The following HIPK1 variants were observed in gnomAD, a reference collection of about 807,000 sequenced individuals.
HIPK1 encodes the protein homeodomain interacting protein kinase 1.
HIPK1 carries 28 observed loss-of-function variants against 117.1 expected under a neutral mutation model. The ratio of observed to expected loss-of-function variants is 0.24; its 90% CI spans 0.18 to 0.33. HIPK1 has a LOEUF of 0.33. Ranked by LOEUF, HIPK1 falls within the 10% of genes least tolerant of loss-of-function variation. The probability of loss-of-function intolerance (pLI) is 1.00; values close to 1 mark genes in which losing one functional copy is unlikely to be tolerated. For synonymous variants in HIPK1, 605 were observed against 562.5 expected (o/e 1.08, Z -1.07); for missense variants, 1,122 against 1,475.1 (o/e 0.76, Z 3.92).
chr1:113,932,596 C>T (rs544897849), intron 1 of HIPK1, among the ~76,000 whole-genome samples: 3 of 152,088 alleles, frequency 2.0e-5, no homozygotes, highest in Non-Finnish European at 4.4e-5. Context: ...CCAGGCTGGT[C>T]TCAGACTCCT....
At chr1:113,961,559 C>T (rs928745642) in intron 8 of HIPK1, among the ~76,000 whole-genome samples, 6 of 152,144 alleles carry the variant, frequency 3.9e-5, no homozygotes, top group African/African-American at 1.4e-4. Context: ...TTTTCGTAAT[C>T]TTTCTTATCT....
At chr1:113,953,027 T>C (rs1571690974) in intron 3 of HIPK1, 138 bp downstream of exon 3, 2 of 717,334 alleles carry the variant, frequency 2.8e-6, no homozygotes, top group East Asian at 6.9e-5. Flanking sequence ...TAAAGAACTT[T>C]TTAAAGAATA....
At chr1:113,968,778 T>C (rs1558148533) in intron 13 of HIPK1, 130 bp downstream of exon 13, 1 of 723,314 alleles carries the variant, frequency 1.4e-6, no homozygotes, top group Non-Finnish European at 2.4e-6. Context: ...CCCAGCACTT[T>C]GGGAGGTTGA....
At chr1:113,934,096 C>T (rs1047343090) in intron 1 of HIPK1, among the ~76,000 whole-genome samples, 1 of 152,130 alleles carries the variant, frequency 6.6e-6, no homozygotes, top group Admixed American at 6.6e-5. Context: ...TACCTGTGTT[C>T]ATGTCATCTG....
intron 1 of HIPK1, among the ~76,000 whole-genome samples, chr1:113,931,079 A>C (rs1669861919): frequency 6.6e-6 from 1 of 152,010 alleles, no homozygotes; most frequent in Admixed American, 6.5e-5. Flanking sequence ...TCTTGATGAA[A>C]TAGGGTTAAA....
intron 1 of HIPK1, among the ~76,000 whole-genome samples, chr1:113,934,122 G>A (rs1335590665): frequency 6.6e-6 from 1 of 152,190 alleles, no homozygotes; most frequent in Non-Finnish European, 1.5e-5. Flanking sequence ...AAGTGCTGGA[G>A]CAAGAAATCA....
chr1:113,963,730 A>G (rs547634025), intron 10 of HIPK1, among the ~76,000 whole-genome samples: 47 of 152,254 alleles, frequency 3.1e-4, no homozygotes, highest in South Asian at 1.0e-3. Flanking sequence ...TTTCCTCCCC[A>G]ACATTTGCTG....
In HIPK1 at chr1:113,946,697, A is replaced by G. The variant is rs549932060; in HGVS notation, c.1076+5238A>G. Among the ~76,000 whole-genome samples, 5 of 152,354 alleles carry G rather than the reference A, an allele frequency of 3.3e-5. No homozygotes were observed. In the South Asian group the frequency reaches 6.2e-4, roughly 19 times the overall value. On this transcript the variant is annotated intron_variant, in intron 2 of 15. Coordinates refer to ENST00000426820, the MANE Select transcript of HIPK1 (RefSeq NM_198268.3). The stretch of plus-strand genomic sequence containing the variant: ...CAAAGCTTTCTTTAAATTCACTGCA[A>G]TATAGTTGTTGACTATAATTTTAAG...
chr1:113,948,453 C>G (rs950113339), intron 2 of HIPK1, among the ~76,000 whole-genome samples: 6 of 151,820 alleles, frequency 4.0e-5, no homozygotes, highest in Non-Finnish European at 7.4e-5. Flanking sequence ...TTGGGTCTTG[C>G]TGTGTTGCCT....
In HIPK1 at chr1:113,940,642, A is replaced by G. The variant is rs776477094; in HGVS notation, c.259A>G (p.Thr87Ala). The G allele has an allele frequency of 1.2e-6, 2 of 1,613,600 alleles. No homozygotes were observed. The highest frequency in any genetic ancestry group is 8.5e-7 in the Non-Finnish European group (1 of 1,179,940). ...PAPAVEHIVV[T>A]AADSSGSAAT... ...TCCTGCAGTGGAGCATATTGTTGTA[A>G]CAGCCGCTGATAGCTCGGGCAGTGC... Residue 87 changes from threonine to alanine, a missense_variant, in exon 2 of 16, where the codon ACA (threonine) becomes GCA (alanine). Physicochemically the swap from Thr to Ala is moderately conservative, Grantham distance 58. This residue lies in a region of HIPK1 where 192 missense variants were observed against 234.0 expected (regional missense o/e 0.82). Transcript: ENST00000426820.
In HIPK1 at chr1:113,949,379, A is replaced by G. The variant is rs968257799; in HGVS notation, c.1077-3387A>G. ...AACTTGGAAATTAATGATTCTGCTC[A>G]CTAGGAGTAGAAAATTTTGTTCCTT... On this transcript the variant is annotated intron_variant, in intron 2 of 15. Coordinates refer to ENST00000426820, the MANE Select transcript of HIPK1 (RefSeq NM_198268.3). Among the ~76,000 whole-genome samples, 9 of 152,250 alleles carry G rather than the reference A, an allele frequency of 5.9e-5. No homozygotes were observed. The South Asian group carries it at 1.7e-3, about 28-fold the overall frequency.
intron 3 of HIPK1, 121 bp from the exon 4 acceptor site, chr1:113,954,530 G>A (rs1435936383): frequency 3.1e-6 from 3 of 963,996 alleles, no homozygotes; most frequent in Non-Finnish European, 4.7e-6. Flanking sequence ...ATAAATTTCA[G>A]TTGTATTGAT....
chr1:113,954,251 C>A (rs945145971), intron 3 of HIPK1, among the ~76,000 whole-genome samples: 1 of 152,186 alleles, frequency 6.6e-6, no homozygotes, highest in African/African-American at 2.4e-5. Flanking sequence ...GTGTGAGCCA[C>A]CATGCCTGGC....
rs570166793 is a variant in HIPK1 at position 113,963,782 on chromosome 1, C to G, written c.2238+261C>G. ...ATGGTTATGTGGCTCTGTAAGGAGC[C>G]AGATCCCTTGATTCTTCTTTGCCAG... On this transcript the variant is annotated intron_variant, in intron 10 of 15. Coordinates refer to ENST00000426820, the MANE Select transcript of HIPK1 (RefSeq NM_198268.3). 6.6e-4 allele frequency among the ~76,000 whole-genome samples: 100 copies of G among 152,210 alleles called. 1 individual carries two copies. The highest frequency in any genetic ancestry group is 2.4e-3 in the African/African-American group (98 of 41,544).
rs2101349116 is a variant in HIPK1 at position 113,956,826 on chromosome 1, T to C, written c.1592+15T>C. On this transcript the variant is annotated intron_variant, in intron 6 of 15. Transcript: ENST00000426820. ...CATAGCAATCAGTGAGTATGGAATA[T>C]TCTGGGGCTTTTGCCATGTGGTTCT... The C allele has an allele frequency of 6.2e-7, 1 of 1,610,692 alleles. No individual in the cohort carries two copies. The highest frequency in any genetic ancestry group is 1.1e-5 in the South Asian group (1 of 90,772).
At chr1:113,948,205 AG>A (rs1671114053) in intron 2 of HIPK1, among the ~76,000 whole-genome samples, 1 of 152,174 alleles carries the variant, frequency 6.6e-6, no homozygotes, top group Non-Finnish European at 1.5e-5. Flanking sequence ...AGTTTGGGTA[AG>A]TCTAACATTT....
At chr1:113,929,837 CG>C (rs1187363179) in intron 1 of HIPK1, 1 of 987,454 alleles carries the variant, frequency 1.0e-6, no homozygotes, top group Admixed American at 6.2e-5. Flanking sequence ...GGCCGGCTCG[CG>C]CGGGGGGTAT....
intron 15 of HIPK1, 118 bp downstream of exon 15, chr1:113,972,072 A>T: frequency 6.2e-7 from 1 of 1,611,770 alleles, no homozygotes; most frequent in Non-Finnish European, 8.5e-7. Context: ...TGTGTCAAAC[A>T]ATTTTGTGTT....
At chr1:113,969,123 C>G (rs974748224) in intron 13 of HIPK1, among the ~76,000 whole-genome samples, 13 of 152,148 alleles carry the variant, frequency 8.5e-5, no homozygotes, top group Non-Finnish European at 1.5e-5. Context: ...GGAATGACCT[C>G]TTGCTTTTAC....
Sources: allele counts gnomAD v4.1 joint callset (sites outside exome capture counted in the v4.1 genomes callset), GRCh38; gene constraint gnomAD v4.1.1; regional missense constraint gnomAD v4.1.1; transcripts MANE v1.5; gene names NCBI Gene and HGNC (gene_info 2026-07-23, HGNC 2026-07-21).